Variants in NKAIN2 observed in about 807,000 individuals in gnomAD.
NKAIN2 encodes sodium/potassium transporting ATPase interacting 2, also known as sodium/potassium-transporting ATPase subunit beta-1-interacting protein 2.
Under a neutral mutation model 32.6 loss-of-function variants are expected in NKAIN2, and 14 were observed. That is an observed-to-expected ratio of 0.43 (90% CI 0.28 to 0.67). The LOEUF is 0.67. Among genes scored for constraint, NKAIN2 ranks in the 30% least tolerant of loss-of-function variants. NKAIN2 has a pLI of 0.17. For synonymous variants in NKAIN2, 80 were observed against 87.2 expected (o/e 0.92, Z 0.46); for missense variants, 198 against 258.3 (o/e 0.77, Z 1.60).
At chr6:124,805,676 A>C in intron 5 of NKAIN2, among the ~76,000 whole-genome samples, 1 of 152,248 alleles carries the variant, frequency 6.6e-6, no homozygotes, top group African/African-American at 2.4e-5. Flanking sequence ...AGAAGGCTTC[A>C]GATGATCAAA....
chr6:124,187,171 A>T (rs1433807862), intron 1 of NKAIN2, among the ~76,000 whole-genome samples: 1 of 152,138 alleles, frequency 6.6e-6, no homozygotes, highest in African/African-American at 2.4e-5. Context: ...TTCTTAATGT[A>T]GCCCTAGCTT....
At chr6:124,592,719 A>T (rs193290581) in intron 3 of NKAIN2, among the ~76,000 whole-genome samples, 5 of 152,310 alleles carry the variant, frequency 3.3e-5, no homozygotes, top group Admixed American at 6.5e-5. Context: ...TCCTCTTATC[A>T]TGTAGTGGTT....
chr6:124,658,643 TG>T, intron 4 of NKAIN2: 1 of 824,708 alleles, frequency 1.2e-6, no homozygotes. Context: ...TCAGTCAAGA[TG>T]TGATTACGTG....
chr6:124,313,800 C>A (rs1268612731), intron 2 of NKAIN2, among the ~76,000 whole-genome samples: 1 of 152,078 alleles, frequency 6.6e-6, no homozygotes, highest in Non-Finnish European at 1.5e-5. Context: ...CTCATGATGG[C>A]AAAATCAATT....
chr6:123,933,777 T>G (rs568585578), intron 1 of NKAIN2, among the ~76,000 whole-genome samples: 1 of 152,340 alleles, frequency 6.6e-6, no homozygotes, highest in South Asian at 2.1e-4. Flanking sequence ...GCCCTTACCT[T>G]GTACTCACTT....
At chr6:124,697,636 A>G (rs926644497) in intron 4 of NKAIN2, among the ~76,000 whole-genome samples, 1 of 152,196 alleles carries the variant, frequency 6.6e-6, no homozygotes, top group African/African-American at 2.4e-5. Context: ...GTAGGTTAAT[A>G]GGCATTTGTT....
chr6:124,373,967 A>G (rs1385519257), intron 3 of NKAIN2, among the ~76,000 whole-genome samples: 1 of 152,062 alleles, frequency 6.6e-6, no homozygotes, highest in African/African-American at 2.4e-5. Flanking sequence ...AGGTTTGTTC[A>G]TTTGTTTTTG....
At chr6:124,113,764 G>T (rs1269862098) in intron 1 of NKAIN2, among the ~76,000 whole-genome samples, 1 of 152,176 alleles carries the variant, frequency 6.6e-6, no homozygotes, top group Non-Finnish European at 1.5e-5. Flanking sequence ...TCTGGTGAGA[G>T]GGTGTTTCAT....
At chr6:124,497,824 T>TAA (rs33913104) in intron 3 of NKAIN2, among the ~76,000 whole-genome samples, 41,190 of 105,292 alleles carry the variant, frequency 0.39, 7,906 homozygotes, top group South Asian at 0.43. Flanking sequence ...GAGTAAGGGG[T>TAA]AAAAAAAAAA....
At position 124,042,022 on chromosome 6, in the gene NKAIN2, T is replaced by C. The variant is rs142983565; in HGVS notation, c.54+237768T>C. On this transcript the variant is annotated intron_variant, in intron 1 of 6. Transcript: ENST00000368417. ...CTTCTAAACTCTAAATATAATGGAA[T>C]AAATGAAATTATTTCTTTGTTTTCA... 8.1e-3 allele frequency among the ~76,000 whole-genome samples: 1,236 copies of C among 152,212 alleles called. 12 individuals are homozygous for C. Among genetic ancestry groups the C allele is most frequent in the African/African-American group, 0.029 (1,187 of 41,566 alleles).
chr6:123,990,605 G>A (rs1243531920), intron 1 of NKAIN2, among the ~76,000 whole-genome samples: 1 of 152,150 alleles, frequency 6.6e-6, no homozygotes, highest in Non-Finnish European at 1.5e-5. Context: ...ACTGACAGTG[G>A]TTCACCTTCC....
intron 1 of NKAIN2, among the ~76,000 whole-genome samples, chr6:124,145,352 A>G (rs1787347830): frequency 6.6e-6 from 1 of 152,180 alleles, no homozygotes; most frequent in Non-Finnish European, 1.5e-5. Context: ...ATAGCCAAAA[A>G]CTGAAATCAG....
intron 1 of NKAIN2, among the ~76,000 whole-genome samples, chr6:124,133,855 A>G (rs967264177): frequency 6.6e-6 from 1 of 151,914 alleles, no homozygotes; most frequent in Non-Finnish European, 1.5e-5. Context: ...GAAAAAAGAA[A>G]TTTAAATTAA....
At chr6:124,177,659 C>T (rs1789228173) in intron 1 of NKAIN2, among the ~76,000 whole-genome samples, 1 of 151,972 alleles carries the variant, frequency 6.6e-6, no homozygotes, top group Non-Finnish European at 1.5e-5. Flanking sequence ...TGTTGAAATC[C>T]TAACCTCCAA....
intron 1 of NKAIN2, among the ~76,000 whole-genome samples, chr6:124,186,974 TA>T (rs975603075): frequency 7.2e-6 from 1 of 138,802 alleles, no homozygotes; most frequent in Non-Finnish European, 1.6e-5. Context: ...TGATTTTTTT[TA>T]AAAATTTTTA....
intron 1 of NKAIN2, among the ~76,000 whole-genome samples, chr6:123,821,058 A>G (rs557362732): frequency 1.3e-5 from 2 of 152,350 alleles, no homozygotes; most frequent in African/African-American, 4.8e-5. Context: ...GACATTGATC[A>G]GGATTCATTT....
Position 123,964,286 on chromosome 6 carries a change from A to G in NKAIN2, c.54+160032A>G, listed in dbSNP as rs1439040281. Reference sequence around the variant, plus strand: ...TAAGTCAGCATTTCATTTTTCTTATACAGCTCCCTGTTCATCCCCTGATTT... The same window carrying G: ...TAAGTCAGCATTTCATTTTTCTTATGCAGCTCCCTGTTCATCCCCTGATTT... On this transcript the variant is annotated intron_variant, in intron 1 of 6. Coordinates refer to ENST00000368417, the MANE Select transcript of NKAIN2 (RefSeq NM_001040214.3). The surrounding 1 kb of genome is among the most constrained non-coding windows in gnomAD (Gnocchi z 4.0). 6.6e-6 allele frequency among the ~76,000 whole-genome samples: 1 copy of G among 152,116 alleles called. No individual in the cohort carries two copies. Among genetic ancestry groups the G allele is most frequent in the Non-Finnish European group, 1.5e-5 (1 of 67,996 alleles).
At chr6:123,850,222 G>T (rs1775274501) in intron 1 of NKAIN2, among the ~76,000 whole-genome samples, 1 of 151,162 alleles carries the variant, frequency 6.6e-6, no homozygotes, top group Non-Finnish European at 1.5e-5. Context: ...AGCTCAAACA[G>T]CAATGATTGA....
At chr6:123,896,939 T>A (rs1477232380) in intron 1 of NKAIN2, among the ~76,000 whole-genome samples, 1 of 152,168 alleles carries the variant, frequency 6.6e-6, no homozygotes, top group Non-Finnish European at 1.5e-5. Flanking sequence ...CAACCCCACA[T>A]TTCTTGTCTA....
Sources: allele counts gnomAD v4.1 joint callset (sites outside exome capture counted in the v4.1 genomes callset), GRCh38; gene constraint gnomAD v4.1.1; non-coding constraint Gnocchi (gnomAD v3.1); transcripts MANE v1.5; gene names NCBI Gene and HGNC (gene_info 2026-07-23, HGNC 2026-07-21).